NCOA1: variants seen among roughly 807,000 people sequenced by gnomAD.
The protein encoded by NCOA1 is Hin-2 protein.
A neutral mutation model predicts 150.9 loss-of-function variants in NCOA1; 35 were observed. The observed-to-expected ratio is 0.23, with a 90% CI of 0.18 to 0.31. NCOA1 has a LOEUF of 0.31. NCOA1 is among the 10% of genes least tolerant of loss of function. NCOA1 has a pLI of 1.00. For synonymous variants in NCOA1, 590 were observed against 630.0 expected (o/e 0.94, Z 0.95); for missense variants, 1,491 against 1,749.3 (o/e 0.85, Z 2.63).
chr2:24,498,481 G>A (rs1303704525), intron 1 of NCOA1, among the ~76,000 whole-genome samples: 1 of 152,174 alleles, frequency 6.6e-6, no homozygotes, highest in Admixed American at 6.5e-5. Context: ...GAGAGGGAAT[G>A]ATTATTGTAT....
At position 24,710,974 on chromosome 2, in the gene NCOA1, T is replaced by C. The variant is rs750056952; in HGVS notation, c.2462T>C (p.Leu821Pro). The change falls in exon 14 of 23, where the codon CTG becomes CCG. Residue 821 changes from leucine to proline, a missense_variant. Leu to Pro is a moderately conservative substitution (Grantham distance 98). Coordinates refer to ENST00000348332, the MANE Select transcript of NCOA1 (RefSeq NM_003743.5). ...CAGTTTGATCAGTTACTGCCCACGCTGGAGAAGGCAGCACAGTTGCCAGGC... is the reference window on the plus strand; with the variant it reads ...CAGTTTGATCAGTTACTGCCCACGCCGGAGAAGGCAGCACAGTTGCCAGGC... ...LDQFDQLLPT[L>P]EKAAQLPGLC... 25 of 1,614,192 alleles carry C rather than the reference T, an allele frequency of 1.5e-5. No homozygotes were observed. The highest frequency in any genetic ancestry group is 1.6e-4 in the Middle Eastern group (1 of 6,062).
At chr2:24,748,121 A>AG (rs907679317) in intron 19 of NCOA1, among the ~76,000 whole-genome samples, 38 of 152,254 alleles carry the variant, frequency 2.5e-4, no homozygotes, top group African/African-American at 7.2e-4. Context: ...AAAAGAAAAA[A>AG]GAAAAAAAAA....
intron 17 of NCOA1, among the ~76,000 whole-genome samples, chr2:24,737,190 G>A (rs1663355954): frequency 6.6e-6 from 1 of 152,198 alleles, no homozygotes; most frequent in Non-Finnish European, 1.5e-5. Flanking sequence ...GGAAGGCTAT[G>A]TTGGAAGAAG....
intron 1 of NCOA1, among the ~76,000 whole-genome samples, chr2:24,535,033 A>G (rs1025813932): frequency 6.6e-6 from 1 of 152,082 alleles, no homozygotes; most frequent in Non-Finnish European, 1.5e-5. Context: ...TGATCTGTCT[A>G]ATATTGACAG....
intron 7 of NCOA1, among the ~76,000 whole-genome samples, chr2:24,674,237 G>A (rs1221575161): frequency 1.4e-5 from 2 of 144,974 alleles, no homozygotes; most frequent in South Asian, 2.2e-4. Flanking sequence ...ACGGAGTCTC[G>A]CTTTGTGGCC....
chr2:24,728,619 A>AG, intron 16 of NCOA1, 143 bp downstream of exon 16: 1 of 626,936 alleles, frequency 1.6e-6, no homozygotes, highest in Non-Finnish European at 2.5e-6. Flanking sequence ...AAAATATATG[A>AG]GTTTTTTTTT....
In NCOA1 at chr2:24,669,443, C is replaced by G. The variant is rs1671587851; in HGVS notation, c.256+3528C>G. 2.0e-5 allele frequency among the ~76,000 whole-genome samples: 3 copies of G among 152,200 alleles called. No homozygotes were observed. In the South Asian group the frequency reaches 6.2e-4, roughly 31 times the overall value. On this transcript the variant is annotated intron_variant, in intron 6 of 22. Coordinates refer to ENST00000348332, the MANE Select transcript of NCOA1 (RefSeq NM_003743.5). ...CCAGAAATTGCATGTCACTTCTGTT[C>G]ACGTTCCGTTAGGCCAGAAACTAGT...
rs557682123 is a variant in NCOA1 at position 24,721,575 on chromosome 2, C to T, written c.2600-5014C>T. Among the ~76,000 whole-genome samples the T allele has an allele frequency of 7.2e-5, 11 of 152,352 alleles. No homozygotes were observed. The South Asian group carries it at 2.3e-3, about 32-fold the overall frequency. ...GAGGTGGGGAAACCCCTTGTGGCAG[C>T]CCTAGCACCCCCTTTGGGAGATTCC... On this transcript the variant is annotated intron_variant, in intron 14 of 22. Coordinates refer to ENST00000348332, the MANE Select transcript of NCOA1 (RefSeq NM_003743.5).
chr2:24,491,861 T>G (rs1662978242), intron 1 of NCOA1: 1 of 151,694 alleles, frequency 6.6e-6, no homozygotes, highest in African/African-American at 2.4e-5. Flanking sequence ...CAGCGACTTC[T>G]CTCCGCCTCT....
At chr2:24,541,085 A>T (rs1171805326) in intron 1 of NCOA1, among the ~76,000 whole-genome samples, 1 of 152,198 alleles carries the variant, frequency 6.6e-6, no homozygotes, top group East Asian at 1.9e-4. Context: ...CTGTTAGGCT[A>T]GTGGATATAT....
rs17046506 is a variant in NCOA1, at chr2:24,732,185, G to A, written c.3201+2370G>A. Among the ~76,000 whole-genome samples the A allele has an allele frequency of 7.0e-3, 1,068 of 152,270 alleles. 20 individuals are homozygous for A. Among genetic ancestry groups the A allele is most frequent in the African/African-American group, 0.024 (1,003 of 41,544 alleles). Reference sequence around the variant, plus strand: ...CATTTGCTCCTAAAACAGCTGATAAGCAGAGAAGCCCTGCAAAGGTATGAG... The same window carrying A: ...CATTTGCTCCTAAAACAGCTGATAAACAGAGAAGCCCTGCAAAGGTATGAG... On this transcript the variant is annotated intron_variant, in intron 17 of 22. Coordinates refer to ENST00000348332, the MANE Select transcript of NCOA1 (RefSeq NM_003743.5).
intron 1 of NCOA1, among the ~76,000 whole-genome samples, chr2:24,546,222 CT>C (rs1330136384): frequency 1.3e-5 from 2 of 151,128 alleles, no homozygotes; most frequent in African/African-American, 2.4e-5. Context: ...AAAAAAAAAG[CT>C]CACTTAATGC....
chr2:24,690,651 C>CAAAAAAAAAAAAAAAAAAAAAAAAAA lies in NCOA1; in HGVS notation c.533-828_533-803dup, dbSNP rs70947837. Among the ~76,000 whole-genome samples the CAAAAAAAAAAAAAAAAAAAAAAAAAA allele has an allele frequency of 2.6e-4, 10 of 38,444 alleles. 1 individual carries two copies. The highest frequency in any genetic ancestry group is 4.0e-4 in the Admixed American group (1 of 2,514). 25.2% of individuals were successfully genotyped at this position (38,444 alleles called of 152,430 possible). On this transcript the variant is annotated intron_variant, in intron 8 of 22. Coordinates refer to ENST00000348332, the MANE Select transcript of NCOA1 (RefSeq NM_003743.5). ...TGGGTGACAAAGTGAGATTCCATCT[C>CAAAAAAAAAAAAAAAAAAAAAAAAAA]AAAAAAAAAAAAAAAAAAAAAAAAA...
At chr2:24,568,940 A>T (rs1666621214) in intron 2 of NCOA1, among the ~76,000 whole-genome samples, 1 of 152,096 alleles carries the variant, frequency 6.6e-6, no homozygotes, top group Non-Finnish European at 1.5e-5. Context: ...ATGTTTTGTT[A>T]TTGGTCTGTT....
In NCOA1 at chr2:24,495,666, C is replaced by A. The variant is rs537691369; in HGVS notation, c.-396+4064C>A. On this transcript the variant is annotated intron_variant, in intron 1 of 22. Transcript: ENST00000348332. ...ATTATCCAGTTTTTCCAGAGTGATGCTTCATTTTTGCCCTTTCAGCTTATA... is the reference window on the plus strand; with the variant it reads ...ATTATCCAGTTTTTCCAGAGTGATGATTCATTTTTGCCCTTTCAGCTTATA... Among the ~76,000 whole-genome samples, 7 of 152,266 alleles carry A rather than the reference C, an allele frequency of 4.6e-5. No individual in the cohort carries two copies. In the South Asian group the frequency reaches 1.0e-3, roughly 23 times the overall value.
chr2:24,770,342 T>C lies in NCOA1; in HGVS notation c.*1951T>C, dbSNP rs1665262404. 3 of 230,154 alleles carry C rather than the reference T, an allele frequency of 1.3e-5. No individual in the cohort carries two copies. The highest frequency in any genetic ancestry group is 2.6e-5 in the Non-Finnish European group (3 of 116,066). 14.3% of individuals were successfully genotyped at this position (230,154 alleles called of 1,614,324 possible). A position where few individuals can be genotyped will look rare whatever the true frequency, so the allele number is the denominator to read the frequency against. The stretch of plus-strand genomic sequence containing the variant: ...ATGAAGTTTCCTGACTCAGTGCTTT[T>C]GCATAAGGAACTAGAAAAAAAAAGT... On this transcript the variant is annotated 3_prime_UTR_variant, in exon 23 of 23. Transcript: ENST00000348332.
At chr2:24,509,596 A>G (rs1407536428) in intron 1 of NCOA1, among the ~76,000 whole-genome samples, 1 of 152,180 alleles carries the variant, frequency 6.6e-6, no homozygotes, top group Non-Finnish European at 1.5e-5. Flanking sequence ...TGCTGTTGAA[A>G]TGTGGAAGTG....
At chr2:24,732,929 CAA>C (rs111334111) in intron 17 of NCOA1, among the ~76,000 whole-genome samples, 1 of 138,894 alleles carries the variant, frequency 7.2e-6, no homozygotes, top group African/African-American at 2.6e-5. Flanking sequence ...AAAAAAGGAA[CAA>C]AAAAAAAAAG....
At chr2:24,510,407 C>T (rs1280585456) in intron 1 of NCOA1, among the ~76,000 whole-genome samples, 1 of 152,094 alleles carries the variant, frequency 6.6e-6, no homozygotes, top group Admixed American at 6.5e-5. Context: ...AGTGAAGTGG[C>T]ATGATCATAG....
Sources: gnomAD v4.1 joint callset for allele counts (sites outside exome capture counted in the v4.1 genomes callset) on GRCh38, gnomAD v4.1.1 for gene constraint, MANE v1.5 for transcripts, NCBI Gene and HGNC (gene_info 2026-07-23, HGNC 2026-07-21) for gene names.